The following TRPM3 variants were observed in gnomAD, a reference collection of about 807,000 sequenced individuals.
TRPM3 encodes the protein long transient receptor potential channel 3.
Under a neutral mutation model 181.2 loss-of-function variants are expected in TRPM3, and 77 were observed. The ratio of observed to expected loss-of-function variants is 0.42; its 90% CI spans 0.35 to 0.51. The LOEUF (loss-of-function observed/expected upper bound fraction) is 0.51, where lower values mean the gene tolerates loss of function less well. Among genes scored for constraint, TRPM3 ranks in the 20% least tolerant of loss-of-function variants. The pLI is 0.01. For synonymous variants in TRPM3, 745 were observed against 796.4 expected, an observed-to-expected ratio of 0.94 and a Z score of 1.09; for missense variants, 1,759 against 2,196.7, an observed-to-expected ratio of 0.80 and a Z score of 3.98.
At chr9:71,329,617 C>T (rs1402963037) in intron 1 of TRPM3, among the ~76,000 whole-genome samples, 1 of 152,132 alleles carries the variant, frequency 6.6e-6, no homozygotes, top group African/African-American at 2.4e-5. Flanking sequence ...GTCATGAGTA[C>T]TCAAAATAAT....
intron 1 of TRPM3, among the ~76,000 whole-genome samples, chr9:71,220,084 C>G (rs578029591): frequency 6.6e-6 from 1 of 152,242 alleles, no homozygotes; most frequent in Non-Finnish European, 1.5e-5. Context: ...GTATCTATTT[C>G]TGCCTGGTGA....
chr9:70,923,402 A>T (rs2993018), intron 1 of TRPM3, among the ~76,000 whole-genome samples: 118,368 of 152,062 alleles, frequency 0.78, 46,484 homozygotes, highest in African/African-American at 0.87. Flanking sequence ...TAGGATTACA[A>T]AATTTGCTTT....
chr9:70,562,852 A>G (rs2049477022), intron 22 of TRPM3, among the ~76,000 whole-genome samples: 1 of 152,198 alleles, frequency 6.6e-6, no homozygotes, highest in Non-Finnish European at 1.5e-5. Context: ...ATATATCTAA[A>G]CTAGCCTATT....
chr9:71,162,887 T>C (rs146656837), intron 1 of TRPM3, among the ~76,000 whole-genome samples: 1 of 152,164 alleles, frequency 6.6e-6, no homozygotes, highest in Non-Finnish European at 1.5e-5. Flanking sequence ...GAGGAGCACT[T>C]AGGTTGGGTG....
At chr9:70,690,787 G>A (rs890427393) in intron 8 of TRPM3, among the ~76,000 whole-genome samples, 1 of 152,148 alleles carries the variant, frequency 6.6e-6, no homozygotes, top group African/African-American at 2.4e-5. Context: ...GATCAGCAAC[G>A]AAATGCCTGT....
At chr9:70,996,384 G>T (rs2097541466) in intron 1 of TRPM3, among the ~76,000 whole-genome samples, 1 of 152,186 alleles carries the variant, frequency 6.6e-6, no homozygotes, top group South Asian at 2.1e-4. Context: ...CTACTCTACA[G>T]TGACACCAAG....
intron 1 of TRPM3, among the ~76,000 whole-genome samples, chr9:71,303,654 C>T (rs2086989368): frequency 6.6e-6 from 1 of 152,188 alleles, no homozygotes; most frequent in African/African-American, 2.4e-5. Context: ...TAAAACAGAG[C>T]TCAAGCTTTG....
chr9:70,919,668 C>T (rs956559198), intron 1 of TRPM3, among the ~76,000 whole-genome samples: 1 of 151,750 alleles, frequency 6.6e-6, no homozygotes, highest in Non-Finnish European at 1.5e-5. Flanking sequence ...CCTATAATCC[C>T]AGCTACTTGG....
At chr9:70,687,360 T>C (rs1053812692) in intron 8 of TRPM3, among the ~76,000 whole-genome samples, 1 of 152,204 alleles carries the variant, frequency 6.6e-6, no homozygotes, top group Admixed American at 6.5e-5. Flanking sequence ...GAAGTAAAAG[T>C]TATTAACTTA....
intron 1 of TRPM3, among the ~76,000 whole-genome samples, chr9:71,282,266 AAGAG>A (rs796456687): frequency 6.4e-5 from 4 of 62,576 alleles, no homozygotes; most frequent in South Asian, 5.4e-4. Context: ...AAAGGAAAGA[AAGAG>A]AGAAAGAAAG....
At chr9:71,428,120 T>G (rs2093897763) in intron 1 of TRPM3, among the ~76,000 whole-genome samples, 1 of 152,028 alleles carries the variant, frequency 6.6e-6, no homozygotes, top group Admixed American at 6.6e-5. Context: ...AGACAGAGTT[T>G]CATTCTTGTT....
chr9:70,668,493 T>C (rs1436477347), intron 9 of TRPM3, among the ~76,000 whole-genome samples: 1 of 151,352 alleles, frequency 6.6e-6, no homozygotes, highest in Non-Finnish European at 1.5e-5. Context: ...TGAAACCCCG[T>C]CTCTACTAAA....
intron 20 of TRPM3, among the ~76,000 whole-genome samples, chr9:70,601,645 G>A (rs2059987250): frequency 6.6e-6 from 1 of 152,160 alleles, no homozygotes; most frequent in African/African-American, 2.4e-5. Flanking sequence ...ATCTTCAGTT[G>A]ACCCCTTCCT....
At chr9:70,844,825 G>A (rs1203044911) in intron 4 of TRPM3, among the ~76,000 whole-genome samples, 1 of 152,148 alleles carries the variant, frequency 6.6e-6, no homozygotes, top group Non-Finnish European at 1.5e-5. Flanking sequence ...ATAGAGTATT[G>A]GTAAGACTTT....
chr9:71,011,043 T>C (rs2097733130), intron 1 of TRPM3, among the ~76,000 whole-genome samples: 1 of 151,950 alleles, frequency 6.6e-6, no homozygotes, highest in Non-Finnish European at 1.5e-5. Context: ...TTATTTTAAG[T>C]GAAATAAGCC....
chr9:70,583,934 A>G (rs2056557612), intron 22 of TRPM3, among the ~76,000 whole-genome samples: 1 of 152,156 alleles, frequency 6.6e-6, no homozygotes. Context: ...TTGTCTTCAT[A>G]TGATGCTAGG....
intron 1 of TRPM3, among the ~76,000 whole-genome samples, chr9:71,171,037 C>T (rs555226199): frequency 3.3e-5 from 5 of 152,138 alleles, no homozygotes; most frequent in African/African-American, 4.8e-5. Context: ...ACAGCCCCCC[C>T]CAGGTGCTCC....
rs1399666489 is a variant in TRPM3, at chr9:70,995,019, G to T, written c.177+126159C>A. Reference sequence around the variant, plus strand: ...GATGCTCCTGGATCAACAACCACAAGTCACAAAGGCAACTTTTGCAAAAAT... The same window carrying T: ...GATGCTCCTGGATCAACAACCACAATTCACAAAGGCAACTTTTGCAAAAAT... On this transcript the variant is annotated intron_variant, in intron 1 of 25. Transcript: ENST00000677713. Among the ~76,000 whole-genome samples the T allele has an allele frequency of 2.6e-5, 4 of 152,160 alleles. No individual in the cohort carries two copies. In the East Asian group the frequency reaches 7.7e-4, roughly 29 times the overall value.
intron 1 of TRPM3, among the ~76,000 whole-genome samples, chr9:71,419,422 C>T (rs1588944124): frequency 6.6e-6 from 1 of 151,868 alleles, no homozygotes; most frequent in East Asian, 1.9e-4. Flanking sequence ...TGTTTGTTTA[C>T]AAATTATTAG....
Sources: allele counts gnomAD v4.1 joint callset (sites outside exome capture counted in the v4.1 genomes callset), GRCh38; gene constraint gnomAD v4.1.1; transcripts MANE v1.5; gene names NCBI Gene and HGNC (gene_info 2026-07-23, HGNC 2026-07-21).